The following BABAM2 variants were observed in gnomAD, a reference collection of about 807,000 sequenced individuals.
The protein encoded by BABAM2 is BRISC and BRCA1 A complex member 2, also known as BRISC and BRCA1-A complex member 2.
Under a neutral mutation model 54.7 loss-of-function variants are expected in BABAM2, and 31 were observed. The observed-to-expected ratio is 0.57, with a 90% CI of 0.43 to 0.77. BABAM2 has a LOEUF of 0.77. Ranked by LOEUF, BABAM2 falls within the 30% of genes least tolerant of loss-of-function variation. The probability of loss-of-function intolerance (pLI) is 0.00; values close to 1 mark genes in which losing one functional copy is unlikely to be tolerated. For missense variants in BABAM2, 364 were observed against 455.8 expected, an observed-to-expected ratio of 0.80 and a Z score of 1.83; for synonymous variants, 167 against 162.9, an observed-to-expected ratio of 1.03 and a Z score of -0.19.
intron 10 of BABAM2, among the ~76,000 whole-genome samples, chr2:28,250,584 C>CTTTTTTTTTTTTT (rs34597279): frequency 6.0e-4 from 82 of 136,908 alleles, no homozygotes; most frequent in Middle Eastern, 3.8e-3. Context: ...ATATTTTTTT[C>CTTTTTTTTTTTTT]TTTTTTTTTT....
At chr2:28,236,449 C>T (rs564970247) in intron 7 of BABAM2, among the ~76,000 whole-genome samples, 8 of 151,368 alleles carry the variant, frequency 5.3e-5, no homozygotes, top group Non-Finnish European at 7.4e-5. Context: ...CTGCAATCTC[C>T]GCCTCCCAGG....
chr2:28,313,013 C>T (rs530409383), intron 11 of BABAM2, among the ~76,000 whole-genome samples: 1 of 152,176 alleles, frequency 6.6e-6, no homozygotes, highest in East Asian at 1.9e-4. Flanking sequence ...TTTCCTGCTC[C>T]CTTGCTCACA....
intron 3 of BABAM2, among the ~76,000 whole-genome samples, chr2:27,952,696 G>A (rs1212230088): frequency 6.6e-6 from 1 of 152,120 alleles, no homozygotes; most frequent in African/African-American, 2.4e-5. Flanking sequence ...AAATGTTACA[G>A]GCACTCCAGA....
rs566171623 is a variant in BABAM2 at position 28,286,112 on chromosome 2, C to T, written c.935-12226C>T. Among the ~76,000 whole-genome samples the T allele has an allele frequency of 5.3e-5, 8 of 151,960 alleles. No individual in the cohort carries two copies. In the East Asian group the frequency reaches 1.2e-3, roughly 22 times the overall value. ...CTGGGATTACAGGCAGGCACCACCACGCCCAGCTAATTTTTGTATTTTTAT... is the reference window on the plus strand; with the variant it reads ...CTGGGATTACAGGCAGGCACCACCATGCCCAGCTAATTTTTGTATTTTTAT... On this transcript the variant is annotated intron_variant, in intron 10 of 11. Transcript: ENST00000379624.
At chr2:28,141,724 T>C (rs1269623807) in intron 7 of BABAM2, among the ~76,000 whole-genome samples, 1 of 152,198 alleles carries the variant, frequency 6.6e-6, no homozygotes, top group Non-Finnish European at 1.5e-5. Flanking sequence ...CCAGGGCCCC[T>C]AGCTCTCAGA....
At chr2:28,186,615 G>C (rs931602519) in intron 7 of BABAM2, among the ~76,000 whole-genome samples, 2 of 151,956 alleles carry the variant, frequency 1.3e-5, no homozygotes, top group Non-Finnish European at 2.9e-5. Context: ...CAGAGACAGA[G>C]AGAGACAGAG....
Position 27,894,771 on chromosome 2 carries a change from A to G in BABAM2, c.128+87A>G, listed in dbSNP as rs575143581. 10 of 1,512,964 alleles carry G rather than the reference A, an allele frequency of 6.6e-6. 1 individual carries two copies. In the South Asian group the frequency reaches 1.2e-4, roughly 19 times the overall value. The allele number at this position is 1,512,964 out of a possible 1,614,324, so 93.7% of individuals were successfully genotyped here. A position where few individuals can be genotyped will look rare whatever the true frequency, so the allele number is the denominator to read the frequency against. ...GCCCTTCCTTACCAGACTCATAAAA[A>G]TTGACTGCCACAGAAACCCACCAAG... On this transcript the variant is annotated intron_variant, in intron 2 of 11. Coordinates refer to ENST00000379624, the MANE Select transcript of BABAM2 (RefSeq NM_199191.3).
At chr2:28,315,179 G>C (rs1333836757) in intron 11 of BABAM2, among the ~76,000 whole-genome samples, 1 of 151,966 alleles carries the variant, frequency 6.6e-6, no homozygotes, top group Non-Finnish European at 1.5e-5. Context: ...ATGCCCTCTG[G>C]AATCAGACCA....
intron 4 of BABAM2, among the ~76,000 whole-genome samples, chr2:28,023,932 T>G (rs887232994): frequency 3.9e-5 from 6 of 152,210 alleles, no homozygotes; most frequent in African/African-American, 1.4e-4. Context: ...TTTCATAATC[T>G]TATTAAGATA....
At chr2:28,071,086 T>G (rs1460503460) in intron 6 of BABAM2, among the ~76,000 whole-genome samples, 1 of 152,126 alleles carries the variant, frequency 6.6e-6, no homozygotes, top group African/African-American at 2.4e-5. Context: ...CTTCTCTCCA[T>G]GTGCCCCATC....
chr2:28,319,455 C>T (rs1180730594), intron 11 of BABAM2, among the ~76,000 whole-genome samples: 4 of 152,258 alleles, frequency 2.6e-5, no homozygotes, highest in Non-Finnish European at 4.4e-5. Context: ...AGCTGCACTT[C>T]CAAATGCACA....
intron 11 of BABAM2, among the ~76,000 whole-genome samples, chr2:28,317,828 C>T (rs1438793099): frequency 6.6e-6 from 1 of 152,166 alleles, no homozygotes; most frequent in African/African-American, 2.4e-5. Context: ...TTTTCCCAGC[C>T]TTTTCTTCAC....
intron 10 of BABAM2, among the ~76,000 whole-genome samples, chr2:28,267,003 A>G (rs887687243): frequency 1.3e-5 from 2 of 152,218 alleles, no homozygotes; most frequent in African/African-American, 4.8e-5. Context: ...TAAAAATACA[A>G]AAATTAGCTG....
chr2:28,010,575 T>A (rs1215182229), intron 4 of BABAM2, among the ~76,000 whole-genome samples: 1 of 152,080 alleles, frequency 6.6e-6, no homozygotes, highest in African/African-American at 2.4e-5. Flanking sequence ...GTGATAATGG[T>A]GTTGTGGTGT....
intron 5 of BABAM2, among the ~76,000 whole-genome samples, chr2:28,038,555 C>G (rs1023136112): frequency 1.3e-5 from 2 of 151,992 alleles, no homozygotes; most frequent in African/African-American, 4.8e-5. Context: ...TTCTGGAGTC[C>G]CCAGTGTCTG....
chr2:27,981,634 T>A (rs1672009551), intron 3 of BABAM2, among the ~76,000 whole-genome samples: 1 of 152,198 alleles, frequency 6.6e-6, no homozygotes, highest in African/African-American at 2.4e-5. Flanking sequence ...CTTTTGTGTC[T>A]GGCTCATTTC....
At chr2:28,112,302 T>C (rs1229300643) in intron 6 of BABAM2, among the ~76,000 whole-genome samples, 2 of 150,010 alleles carry the variant, frequency 1.3e-5, no homozygotes, top group East Asian at 4.0e-4. Context: ...TGGTTTGCTG[T>C]ACCCACCAAC....
At chr2:27,946,018 C>T (rs370427570) in intron 3 of BABAM2, among the ~76,000 whole-genome samples, 57 of 151,880 alleles carry the variant, frequency 3.8e-4, no homozygotes, top group African/African-American at 1.3e-3. Context: ...ATTTCTCATT[C>T]TTGTTTTATT....
rs1358105262 is a variant in BABAM2, at chr2:27,995,378, C to G, written c.300+7291C>G. The stretch of plus-strand genomic sequence containing the variant: ...TGCCTTGCACTGTTCCTCCATCACT[C>G]TCTGTTGACAAGCTGAACACTGCAC... On this transcript the variant is annotated intron_variant, in intron 4 of 11. Coordinates refer to ENST00000379624, the MANE Select transcript of BABAM2 (RefSeq NM_199191.3). The surrounding 1 kb of genome is among the most constrained non-coding windows in gnomAD (Gnocchi z 4.1). Among the ~76,000 whole-genome samples the G allele has an allele frequency of 6.6e-6, 1 of 152,162 alleles. No individual in the cohort carries two copies. Among genetic ancestry groups the G allele is most frequent in the African/African-American group, 2.4e-5 (1 of 41,438 alleles).
Sources: allele counts gnomAD v4.1 joint callset (sites outside exome capture counted in the v4.1 genomes callset), GRCh38; gene constraint gnomAD v4.1.1; non-coding constraint Gnocchi (gnomAD v3.1); transcripts MANE v1.5; gene names NCBI Gene and HGNC (gene_info 2026-07-23, HGNC 2026-07-21).